MGAM: variants seen among roughly 807,000 people sequenced by gnomAD.
The protein encoded by MGAM is alpha-1,4-glucosidase.
MGAM carries 253 observed loss-of-function variants against 358.8 expected under a neutral mutation model. That is an observed-to-expected ratio of 0.71 (90% CI 0.64 to 0.78). The LOEUF is 0.78. Ranked by LOEUF, MGAM falls within the 30% of genes least tolerant of loss-of-function variation. The pLI is 0.00. For missense variants in MGAM, 3,080 were observed against 3,432.6 expected (o/e 0.90, Z 2.57); for synonymous variants, 1,105 against 1,227.1 (o/e 0.90, Z 2.08).
intron 67 of MGAM, 66 bp downstream of exon 67, chr7:142,099,803 C>A (rs1161322777): frequency 7.6e-6 from 12 of 1,579,622 alleles, no homozygotes; most frequent in Admixed American, 3.6e-5. Context: ...ATGAAGTCCA[C>A]CAAAATGTAA....
At chr7:142,060,456 C>T (rs1455674569) in intron 34 of MGAM, 83 bp downstream of exon 34, 8 of 1,502,762 alleles carry the variant, frequency 5.3e-6, no homozygotes, top group Non-Finnish European at 6.5e-6. Flanking sequence ...CATGCCTGTA[C>T]CGTGGACATG....
In MGAM at chr7:142,065,697, T is replaced by C; in HGVS notation, c.4654-18T>C. ...TCAGAAATCATCAGCAGGCTCCTTT[T>C]ATTTCCTCTTGTTTCAGACGGGAGC... On this transcript the variant is annotated intron_variant, in intron 39 of 70. Transcript: ENST00000475668. 6.2e-7 allele frequency: 1 copy of C among 1,605,216 alleles called. No homozygotes were observed. The highest frequency in any genetic ancestry group is 1.1e-5 in the South Asian group (1 of 90,806).
At chr7:142,101,998 C>T (rs948407601) in intron 68 of MGAM, among the ~76,000 whole-genome samples, 1 of 150,912 alleles carries the variant, frequency 6.6e-6, no homozygotes, top group African/African-American at 2.4e-5. Context: ...GCCACGAGGG[C>T]AGGGTGTAGG....
chr7:142,016,410 C>T (rs1805978653), intron 3 of MGAM, among the ~76,000 whole-genome samples: 1 of 152,118 alleles, frequency 6.6e-6, no homozygotes, highest in African/African-American at 2.4e-5. Context: ...TGTACTATCT[C>T]CCTTAATTTT....
At position 142,025,261 on chromosome 7, in the gene MGAM, GGGAGGGCCTTATA is replaced by G. The variant is rs1220041225; in HGVS notation, c.982+114_982+126del. 10 of 766,268 alleles carry G rather than the reference GGGAGGGCCTTATA, an allele frequency of 1.3e-5. No homozygotes were observed. The African/African-American group carries it at 1.4e-4, about 11-fold the overall frequency. The allele number at this position is 766,268 out of a possible 1,614,324, so 47.5% of individuals were successfully genotyped here. On this transcript the variant is annotated intron_variant, in intron 8 of 70. Coordinates refer to ENST00000475668, the MANE Select transcript of MGAM (RefSeq NM_001365693.1). ...TTAAGAGTGACTGAGCCATAGTGTA[GGGAGGGCCTTATA>G]GATTCTCTAATTGTGCTATCCCTAC...
rs1554464826 is a variant in MGAM, at chr7:142,033,942, T to G, written c.1670-320T>G. Among the ~76,000 whole-genome samples the G allele has an allele frequency of 1.3e-5, 2 of 152,200 alleles. 1 individual carries two copies. The highest frequency in any genetic ancestry group is 4.8e-5 in the African/African-American group (2 of 41,450). ...TTACACTTTCATTCAGTATTTCCAT[T>G]CTTGGACCACTTAACTTAGCTCAGT... On this transcript the variant is annotated intron_variant, in intron 14 of 70. Transcript: ENST00000475668.
chr7:142,083,508 G>A lies in MGAM; in HGVS notation c.6381+95G>A. ...TAGTATAACTCTCAGATGATAACTG[G>A]AATTATTGGTATTACTTGGAAAGAG... On this transcript the variant is annotated intron_variant, in intron 53 of 70. Coordinates refer to ENST00000475668, the MANE Select transcript of MGAM (RefSeq NM_001365693.1). The A allele has an allele frequency of 2.3e-6, 2 of 885,106 alleles. 1 individual carries two copies. Among genetic ancestry groups the A allele is most frequent in the South Asian group, 3.9e-5 (2 of 51,698 alleles). The allele number at this position is 885,106 out of a possible 1,614,324, so 54.8% of individuals were successfully genotyped here. A position where few individuals can be genotyped will look rare whatever the true frequency, so the allele number is the denominator to read the frequency against.
At chr7:141,993,499 C>G (rs987312971), upstream of MGAM, among the ~76,000 whole-genome samples, 2 of 152,188 alleles carry the variant, frequency 1.3e-5, no homozygotes, top group African/African-American at 4.8e-5. Context: ...TTTCTGGAAG[C>G]TGGCAACCAC....
rs377442966 is a variant in MGAM at position 142,027,703 on chromosome 7, G to A, written c.1189G>A (p.Val397Met). 5.0e-5 allele frequency: 80 copies of A among 1,613,016 alleles called. No individual in the cohort carries two copies. Among genetic ancestry groups the A allele is most frequent in the East Asian group, 1.1e-4 (5 of 44,814 alleles). Residue 397 changes from valine to methionine, a missense_variant, in exon 10 of 71, where the codon GTG (valine) becomes ATG (methionine). Coordinates refer to ENST00000475668, the MANE Select transcript of MGAM (RefSeq NM_001365693.1). ...AACCTTAGACAACATGAGGGAAGTC[G>A]TGGAGAGAAATCGCGCAGCACAGCT... ...YGTLDNMREVVERNRAAQLPY... is the reference protein window; with the variant it reads ...YGTLDNMREVMERNRAAQLPY...
chr7:141,988,630 G>A (rs1554446706), intron 2 of MGAM, among the ~76,000 whole-genome samples: 1 of 152,174 alleles, frequency 6.6e-6, no homozygotes, highest in South Asian at 2.1e-4. Context: ...CTCCCAAAGT[G>A]CTGGGATTAC....
chr7:142,036,757 G>T, intron 17 of MGAM, 66 bp from the exon 18 acceptor site: 4 of 1,515,544 alleles, frequency 2.6e-6, no homozygotes, highest in Non-Finnish European at 3.6e-6. Context: ...ATGAGGTCTG[G>T]AATTCTGCAG....
intron 1 of MGAM, among the ~76,000 whole-genome samples, chr7:142,003,066 T>C (rs915368833): frequency 5.3e-5 from 8 of 151,948 alleles, no homozygotes; most frequent in African/African-American, 1.9e-4. Context: ...ATGAAAGAAA[T>C]TGTAGATGAC....
chr7:142,042,025 ATTATATTAT>A (rs1808810477), intron 21 of MGAM, among the ~76,000 whole-genome samples: 2 of 22,484 alleles, frequency 8.9e-5, no homozygotes, highest in African/African-American at 3.3e-4. Flanking sequence ...ATATATATAT[ATTATATTAT>A]ATACATATAA....
chr7:142,067,953 T>TAA (rs1812934069), intron 42 of MGAM, among the ~76,000 whole-genome samples: 2 of 37,302 alleles, frequency 5.4e-5, no homozygotes, highest in African/African-American at 1.5e-4. Flanking sequence ...TATATATATA[T>TAA]ATATATATAT....
intron 66 of MGAM, among the ~76,000 whole-genome samples, chr7:142,098,039 C>G (rs747119933): frequency 6.6e-6 from 1 of 152,080 alleles, no homozygotes; most frequent in East Asian, 1.9e-4. Flanking sequence ...AGCATAGAGG[C>G]CTTTTTGTCT....
intron 54 of MGAM, among the ~76,000 whole-genome samples, chr7:142,085,400 TTTTG>T (rs1364617643): frequency 4.1e-5 from 6 of 146,056 alleles, no homozygotes; most frequent in African/African-American, 1.5e-4. Flanking sequence ...TGTTGCTTTG[TTTTG>T]ACTTGTTTTG....
intron 12 of MGAM, among the ~76,000 whole-genome samples, chr7:142,031,092 C>T (rs912651055): frequency 2.0e-5 from 3 of 152,132 alleles, no homozygotes; most frequent in Non-Finnish European, 2.9e-5. Context: ...AAAAAGCACC[C>T]GTTACTTTCT....
upstream of MGAM, among the ~76,000 whole-genome samples, chr7:141,993,532 G>C (rs1804033454): frequency 6.6e-6 from 1 of 152,184 alleles, no homozygotes; most frequent in African/African-American, 2.4e-5. Flanking sequence ...AACTCTTGGA[G>C]TATCACAGAG....
In MGAM at chr7:142,088,143, G is replaced by A. The variant is rs112120159; in HGVS notation, c.6810+1426G>A. 7.4e-4 allele frequency among the ~76,000 whole-genome samples: 109 copies of A among 146,360 alleles called. 6 individuals carry two copies. The South Asian group carries it at 8.1e-3, about 11-fold the overall frequency. ...GGAGAACAGATGGTACTGCAAACAC[G>A]TGATGCATACTTCTCTGTTGTCAGT... On this transcript the variant is annotated intron_variant, in intron 57 of 70. Coordinates refer to ENST00000475668, the MANE Select transcript of MGAM (RefSeq NM_001365693.1).
Sources: allele counts gnomAD v4.1 joint callset (sites outside exome capture counted in the v4.1 genomes callset), GRCh38; gene constraint gnomAD v4.1.1; transcripts MANE v1.5; gene names NCBI Gene and HGNC (gene_info 2026-07-23, HGNC 2026-07-21).